The following ANKRD44 variants were observed in gnomAD, a reference collection of about 807,000 sequenced individuals.
The protein encoded by ANKRD44 is serine/threonine-protein phosphatase 6 regulatory ankyrin repeat subunit B.
Under a neutral mutation model 116.0 loss-of-function variants are expected in ANKRD44, and 35 were observed. The ratio of observed to expected loss-of-function variants is 0.30; its 90% CI spans 0.23 to 0.40. ANKRD44 has a LOEUF of 0.40. ANKRD44 is among the 10% of genes least tolerant of loss of function. The pLI is 1.00. For missense variants in ANKRD44, 1,014 were observed against 1,242.6 expected (o/e 0.82, Z 2.77); for synonymous variants, 435 against 461.8 (o/e 0.94, Z 0.74).
chr2:197,059,875 C>T (rs1433064004), intron 16 of ANKRD44, among the ~76,000 whole-genome samples: 1 of 152,216 alleles, frequency 6.6e-6, no homozygotes, highest in Non-Finnish European at 1.5e-5. Flanking sequence ...TTCAACTTGT[C>T]AAACCAAGTC....
intron 1 of ANKRD44, among the ~76,000 whole-genome samples, chr2:197,261,223 A>G (rs1456425257): frequency 5.3e-5 from 8 of 151,512 alleles, no homozygotes; most frequent in Non-Finnish European, 8.8e-5. Flanking sequence ...CTAACATTTA[A>G]GTCTTTAATC....
intron 8 of ANKRD44, among the ~76,000 whole-genome samples, chr2:197,120,251 A>C (rs1394681478): frequency 6.6e-6 from 1 of 152,198 alleles, no homozygotes; most frequent in African/African-American, 2.4e-5. Flanking sequence ...TTTCAGTACC[A>C]AACAGAGGGC....
Position 197,081,502 on chromosome 2 carries a change from T to C in ANKRD44, c.1538+143A>G, listed in dbSNP as rs147637885. The C allele has an allele frequency of 1.4e-5, 10 of 707,688 alleles. No individual in the cohort carries two copies. In the African/African-American group the frequency reaches 1.8e-4, roughly 13 times the overall value. 43.8% of individuals were successfully genotyped at this position (707,688 alleles called of 1,614,324 possible). A position where few individuals can be genotyped will look rare whatever the true frequency, so the allele number is the denominator to read the frequency against. On this transcript the variant is annotated intron_variant, in intron 15 of 27. Transcript: ENST00000282272. ...AAGGCTGTATTAAAAGAATAGTTTC[T>C]TCCCCATTAAAGGCAAGCCCATATC... is the stretch of plus-strand genomic sequence containing the variant.
intron 1 of ANKRD44, among the ~76,000 whole-genome samples, chr2:197,298,800 C>T (rs921364070): frequency 5.3e-5 from 8 of 151,898 alleles, no homozygotes; most frequent in African/African-American, 1.9e-4. Context: ...ACCTGTAGTC[C>T]CAGGTACTCA....
intron 1 of ANKRD44, among the ~76,000 whole-genome samples, chr2:197,282,989 T>A (rs2105837990): frequency 6.6e-6 from 1 of 152,352 alleles, no homozygotes; most frequent in South Asian, 2.1e-4. Context: ...GTATTCTATA[T>A]CTGTTCAGAA....
intron 1 of ANKRD44, among the ~76,000 whole-genome samples, chr2:197,255,727 C>G (rs1310325267): frequency 6.6e-6 from 1 of 152,220 alleles, no homozygotes; most frequent in African/African-American, 2.4e-5. Flanking sequence ...CCAGGCTGCC[C>G]CATCGAAGGC....
chr2:196,985,585 G>A (rs1170493776), downstream of ANKRD44, among the ~76,000 whole-genome samples: 1 of 152,198 alleles, frequency 6.6e-6, no homozygotes, highest in African/African-American at 2.4e-5. Context: ...AACATCTAGA[G>A]GCAGATGTGG....
chr2:197,049,714 T>C (rs565072408), intron 16 of ANKRD44, among the ~76,000 whole-genome samples: 2 of 152,250 alleles, frequency 1.3e-5, no homozygotes, highest in Non-Finnish European at 2.9e-5. Flanking sequence ...ACTCCTGGAC[T>C]GAAGTGACCC....
Position 197,292,646 on chromosome 2 carries a change from G to C in ANKRD44, c.27+17932C>G, listed in dbSNP as rs181030933. On this transcript the variant is annotated intron_variant, in intron 1 of 27. Transcript: ENST00000282272. ...AAAAATGTGCAAGGGAATACATAGC[G>C]TATAAAAATCTTTTGGTGGTAGGGG... 1.3e-4 allele frequency among the ~76,000 whole-genome samples: 20 copies of C among 152,260 alleles called. No homozygotes were observed. The East Asian group carries it at 3.7e-3, about 28-fold the overall frequency.
chr2:197,114,876 T>C (rs1012010744), intron 8 of ANKRD44, among the ~76,000 whole-genome samples: 1 of 152,244 alleles, frequency 6.6e-6, no homozygotes, highest in Non-Finnish European at 1.5e-5. Flanking sequence ...CAATTTATTT[T>C]GTTTTGTTTT....
intron 16 of ANKRD44, among the ~76,000 whole-genome samples, chr2:197,069,351 T>C (rs1202110569): frequency 1.3e-5 from 2 of 152,048 alleles, no homozygotes; most frequent in Non-Finnish European, 2.9e-5. Context: ...CTAATGTAAA[T>C]GATGAGTTAA....
chr2:197,101,447 A>G (rs750332090), intron 9 of ANKRD44, among the ~76,000 whole-genome samples: 6 of 152,164 alleles, frequency 3.9e-5, no homozygotes, highest in Non-Finnish European at 5.9e-5. Context: ...AAGTTTGACT[A>G]CTTGCAATGG....
intron 1 of ANKRD44, among the ~76,000 whole-genome samples, chr2:197,208,591 G>A (rs1001192170): frequency 3.3e-5 from 5 of 152,072 alleles, no homozygotes; most frequent in South Asian, 2.1e-4. Flanking sequence ...ACGAGGTCAG[G>A]AGATTGAGAC....
At chr2:197,261,673 A>G (rs951433988) in intron 1 of ANKRD44, among the ~76,000 whole-genome samples, 2 of 152,170 alleles carry the variant, frequency 1.3e-5, no homozygotes, top group Admixed American at 6.5e-5. Context: ...AGTAGCTGTT[A>G]TTACTGCTGA....
chr2:197,157,675 C>CAAAAA (rs35588359), intron 2 of ANKRD44, among the ~76,000 whole-genome samples: 3 of 83,062 alleles, frequency 3.6e-5, no homozygotes, highest in Middle Eastern at 6.6e-3. Context: ...GAGACTCTGT[C>CAAAAA]AAAAAAAAAA....
At chr2:197,111,314 G>A (rs545845321) in intron 8 of ANKRD44, among the ~76,000 whole-genome samples, 17 of 152,192 alleles carry the variant, frequency 1.1e-4, no homozygotes, top group Admixed American at 9.8e-4. Context: ...TTAAGCTGAA[G>A]CTGACCAAAT....
intron 1 of ANKRD44, among the ~76,000 whole-genome samples, chr2:197,222,036 A>G (rs1158016684): frequency 3.3e-5 from 5 of 152,218 alleles, no homozygotes; most frequent in African/African-American, 7.2e-5. Context: ...AAATGCTTCA[A>G]TGACTCAAAT....
intron 27 of ANKRD44, among the ~76,000 whole-genome samples, chr2:196,991,484 A>G (rs571171966): frequency 3.9e-5 from 6 of 152,362 alleles, no homozygotes; most frequent in Admixed American, 3.3e-4. Flanking sequence ...ATAGACACCA[A>G]TAACTGGTTT....
At chr2:197,175,031 A>T (rs990862905) in intron 2 of ANKRD44, among the ~76,000 whole-genome samples, 3 of 152,204 alleles carry the variant, frequency 2.0e-5, no homozygotes, top group Admixed American at 2.0e-4. Context: ...GTTAACATTT[A>T]TTCTTAGTGG....
Sources: gnomAD v4.1 joint callset for allele counts (sites outside exome capture counted in the v4.1 genomes callset) on GRCh38, gnomAD v4.1.1 for gene constraint, MANE v1.5 for transcripts, NCBI Gene and HGNC (gene_info 2026-07-23, HGNC 2026-07-21) for gene names.